NOL7: variants seen among roughly 807,000 people sequenced by gnomAD.
NOL7 encodes the protein U3 small nucleolar RNA-associated protein NOL7.
NOL7 carries 36 observed loss-of-function variants against 38.4 expected under a neutral mutation model. The observed-to-expected ratio is 0.94, with a 90% confidence interval of 0.72 to 1.24. The LOEUF is 1.24. Among genes scored for constraint, NOL7 ranks in the 50% most tolerant of loss-of-function variants. The pLI is 0.00. For synonymous variants in NOL7, 142 were observed against 126.5 expected (o/e 1.12, Z -0.82); for missense variants, 350 against 315.1 (o/e 1.11, Z -0.84).
rs760807298 is a variant in NOL7, at chr6:13,615,637, C to T, written c.266+13C>T. ...AGACCGTGCGCAGGTTCGGAGCCCG[C>T]TGCCCGGCGGGGAGAACCGCCCTTT... On this transcript the variant is annotated intron_variant, in intron 1 of 7. Coordinates refer to ENST00000451315, the MANE Select transcript of NOL7 (RefSeq NM_016167.5). 1.2e-6 allele frequency: 2 copies of T among 1,608,996 alleles called. No homozygotes were observed. Among genetic ancestry groups the T allele is most frequent in the Admixed American group, 1.7e-5 (1 of 59,174 alleles).
Position 13,620,230 on chromosome 6 carries a change from G to GTAGGA in NOL7, c.525_526insGGATA (p.Arg176GlyfsTer2), listed in dbSNP as rs1562291421. On this transcript the variant is annotated frameshift_variant, in exon 6 of 8. Transcript: ENST00000451315. LOFTEE classifies it high-confidence loss of function. ...CAGCCAGAATAAAAGCTACTTGGCC[G>GTAGGA]TAAGGCTAAAAGACCAAGATCTGAG... is the stretch of plus-strand genomic sequence containing the variant. The GTAGGA allele has an allele frequency of 2.5e-6, 4 of 1,613,266 alleles. No homozygotes were observed. In the African/African-American group the frequency reaches 5.3e-5, roughly 22 times the overall value.
chr6:13,625,911 C>T (rs1343648201), downstream of NOL7: 1 of 555,906 alleles, frequency 1.8e-6, no homozygotes. Flanking sequence ...CACTGGGACG[C>T]TCTACATTTT....
At chr6:13,618,795 G>A (rs536664719) in intron 5 of NOL7, among the ~76,000 whole-genome samples, 2 of 152,290 alleles carry the variant, frequency 1.3e-5, no homozygotes, top group South Asian at 4.1e-4. Flanking sequence ...AGAGGCCAAG[G>A]TGGGAGGATC....
chr6:13,626,532 G>T (rs1255019474), downstream of NOL7, among the ~76,000 whole-genome samples: 2 of 152,170 alleles, frequency 1.3e-5, no homozygotes, highest in Non-Finnish European at 2.9e-5. Context: ...AGGACTAAAT[G>T]AAATTAGCAG....
chr6:13,622,125 A>G (rs1483371125), downstream of NOL7: 1 of 303,966 alleles, frequency 3.3e-6, no homozygotes, highest in African/African-American at 2.2e-5. Flanking sequence ...TGAACGTCTG[A>G]AATTCAGTAA....
chr6:13,620,496 G>A lies in NOL7; in HGVS notation c.700+11G>A, dbSNP rs750072907. Reference sequence around the variant, plus strand: ...TGAATAATGCTTGGGGTAAGATCCAGCTTTATTCTCCTGTCTCTAATAGCT... The same window carrying A: ...TGAATAATGCTTGGGGTAAGATCCAACTTTATTCTCCTGTCTCTAATAGCT... On this transcript the variant is annotated intron_variant, in intron 7 of 7. Coordinates refer to ENST00000451315, the MANE Select transcript of NOL7 (RefSeq NM_016167.5). 28 of 1,609,448 alleles carry A rather than the reference G, an allele frequency of 1.7e-5. No individual in the cohort carries two copies. The South Asian group carries it at 3.1e-4, about 18-fold the overall frequency.
At position 13,615,399 on chromosome 6, in the gene NOL7, C is replaced by T. The variant is rs1203885248; in HGVS notation, c.41C>T (p.Ser14Leu). The T allele has an allele frequency of 3.3e-6, 5 of 1,534,628 alleles. No individual in the cohort carries two copies. The highest frequency in any genetic ancestry group is 4.4e-6 in the Non-Finnish European group (5 of 1,141,344). ...CCGCGAGCGTCTCGCGCCCCGGCGT[C>T]GGCGGAGGCGATGGTGGACGAGGGC... The part of the protein sequence containing the change: ...LRPRASRAPA[S>L]AEAMVDEGQL... Residue 14 changes from serine to leucine, a missense_variant, in exon 1 of 8, where the codon TCG becomes TTG. Physicochemically the swap from Ser to Leu is moderately radical, Grantham distance 145. Coordinates refer to ENST00000451315, the MANE Select transcript of NOL7 (RefSeq NM_016167.5).
rs776365553 is a variant in NOL7 at position 13,618,120 on chromosome 6, C to G, written c.481C>G (p.Gln161Glu). The G allele has an allele frequency of 6.3e-7, 1 of 1,589,766 alleles. No individual in the cohort carries two copies. Among genetic ancestry groups the G allele is most frequent in the South Asian group, 1.1e-5 (1 of 89,974 alleles). Residue 161 changes from glutamine to glutamate, a missense_variant, in exon 5 of 8, where the codon CAA (glutamine) becomes GAA (glutamate). Physicochemically the swap from Gln to Glu is conservative, Grantham distance 29. Transcript: ENST00000451315. The stretch of plus-strand genomic sequence containing the variant: ...AAATGACTCCAAGAAAGTTAAAGTA[C>G]AAAAAGTACAGTCTGTCAGGTAATG... Reference protein sequence around the residue: ...KGNDSKKVKVQKVQSVSQNKS... With the variant: ...KGNDSKKVKVEKVQSVSQNKS...
intron 8 of NOL7, among the ~76,000 whole-genome samples, chr6:13,630,119 G>T (rs1764736848): frequency 6.6e-6 from 1 of 151,978 alleles, no homozygotes; most frequent in African/African-American, 2.4e-5. Context: ...TTGTTCTTTG[G>T]CTACTTATAT....
rs116115844 is a variant in NOL7 at position 13,628,725 on chromosome 6, C to G, written n.574-3668C>G. Among the ~76,000 whole-genome samples the G allele has an allele frequency of 4.3e-3, 657 of 152,268 alleles. 13 individuals carry two copies. The highest frequency in any genetic ancestry group is 0.015 in the African/African-American group (610 of 41,546). On this transcript the variant is annotated intron_variant and non_coding_transcript_variant, in intron 8 of 8. Transcript: ENST00000474485. Reference sequence around the variant, plus strand: ...AATGAATGAAACTGGCAAAACAATACTAATGGTTTAAAGCCTGCTGTAAAA... The same window carrying G: ...AATGAATGAAACTGGCAAAACAATAGTAATGGTTTAAAGCCTGCTGTAAAA...
downstream of NOL7, among the ~76,000 whole-genome samples, chr6:13,625,405 T>C (rs562109552): frequency 5.9e-5 from 9 of 152,314 alleles, no homozygotes; most frequent in Admixed American, 1.3e-4. Flanking sequence ...CTTACATACA[T>C]GCACACAAAA....
intron 5 of NOL7, among the ~76,000 whole-genome samples, chr6:13,618,886 G>A (rs1480931811): frequency 6.6e-6 from 1 of 151,894 alleles, no homozygotes; most frequent in Non-Finnish European, 1.5e-5. Context: ...GTGAGACCCT[G>A]TCTCAAAAAA....
At chr6:13,618,728 C>A (rs1319893106) in intron 5 of NOL7, among the ~76,000 whole-genome samples, 1 of 151,998 alleles carries the variant, frequency 6.6e-6, no homozygotes, top group African/African-American at 2.4e-5. Flanking sequence ...AGTCTCTACA[C>A]AAAATAAAAA....
chr6:13,631,957 C>T (rs1178994762), intron 8 of NOL7, among the ~76,000 whole-genome samples: 1 of 152,008 alleles, frequency 6.6e-6, no homozygotes, highest in Non-Finnish European at 1.5e-5. Flanking sequence ...TGCTATAAAC[C>T]TGAACAACAT....
chr6:13,620,301 A>G lies in NOL7; in HGVS notation c.594A>G (p.Leu198=), dbSNP rs749247066. The change falls in exon 6 of 8, where the codon TTA becomes TTG. Residue 198 remains leucine (L), a synonymous_variant. Coordinates refer to ENST00000451315, the MANE Select transcript of NOL7 (RefSeq NM_016167.5). Reference sequence around the variant, plus strand: ...CACAAGCCTTCATACATAATTCATTATATGGGCCAGGAACCAACAGGACTA... The same window carrying G: ...CACAAGCCTTCATACATAATTCATTGTATGGGCCAGGAACCAACAGGACTA... The part of the protein sequence containing the change: ...QAAQAFIHNS[L]YGPGTNRTTV... The G allele has an allele frequency of 1.1e-5, 18 of 1,614,090 alleles. No homozygotes were observed. Among genetic ancestry groups the G allele is most frequent in the Non-Finnish European group, 1.3e-5 (15 of 1,180,028 alleles).
At position 13,615,490 on chromosome 6, in the gene NOL7, G is replaced by T; in HGVS notation, c.132G>T (p.Ala44=). 1 of 1,552,266 alleles carries T rather than the reference G, an allele frequency of 6.4e-7. No homozygotes were observed. Among genetic ancestry groups the T allele is most frequent in the Non-Finnish European group, 8.7e-7 (1 of 1,147,912 alleles). ...GLLLGQPSSG[A]AAEPLEEDEE... is the part of the protein sequence containing the mutation. ...TGCTCGGGCAGCCCAGCAGCGGCGC[G>T]GCCGCCGAGCCCCTGGAGGAAGACG... is the stretch of plus-strand genomic sequence containing the variant. Residue 44 remains alanine (A), a synonymous_variant, in exon 1 of 8, where the codon GCG becomes GCT. Transcript: ENST00000451315.
chr6:13,619,760 GTGTC>G lies in NOL7; in HGVS notation c.501-444_501-441del, dbSNP rs147114633. ...CACCATGTGCTCTACTAAAATATGA[GTGTC>G]TGTTTCTTGTAGTCCTTGTAATTTA... On this transcript the variant is annotated intron_variant, in intron 5 of 7. Transcript: ENST00000451315. Among the ~76,000 whole-genome samples, 946 of 152,304 alleles carry G rather than the reference GTGTC, an allele frequency of 6.2e-3. 6 individuals carry two copies. The highest frequency in any genetic ancestry group is 0.021 in the African/African-American group (883 of 41,548).
At chr6:13,616,312 C>T in intron 2 of NOL7, 151 bp from the exon 3 acceptor site, 1 of 535,252 alleles carries the variant, frequency 1.9e-6, no homozygotes, top group Admixed American at 3.6e-5. Flanking sequence ...ACCCGGTCTT[C>T]CCATAGCTTA....
At chr6:13,623,200 T>C (rs1347580251), downstream of NOL7, among the ~76,000 whole-genome samples, 2 of 152,060 alleles carry the variant, frequency 1.3e-5, no homozygotes, top group Admixed American at 1.3e-4. Context: ...TGGAAAAAAA[T>C]GAACTAATGG....
Sources: allele counts gnomAD v4.1 joint callset (sites outside exome capture counted in the v4.1 genomes callset), GRCh38; gene constraint gnomAD v4.1.1; transcripts MANE v1.5; gene names NCBI Gene and HGNC (gene_info 2026-07-23, HGNC 2026-07-21).